Variants in STK33 observed in about 807,000 individuals in gnomAD.
STK33 encodes serine/threonine kinase 33.
A neutral mutation model predicts 58.0 loss-of-function variants in STK33; 52 were observed. The observed-to-expected ratio is 0.90, with a 90% CI of 0.72 to 1.13. The LOEUF (loss-of-function observed/expected upper bound fraction) is 1.13, where lower values mean the gene tolerates loss of function less well. Ranked by LOEUF, STK33 falls within the 50% of genes most tolerant of loss-of-function variation. The pLI, the probability that STK33 is intolerant of heterozygous loss-of-function variation, is 0.00. For missense variants in STK33, 630 were observed against 604.2 expected, an observed-to-expected ratio of 1.04 and a Z score of -0.45; for synonymous variants, 215 against 200.1, an observed-to-expected ratio of 1.07 and a Z score of -0.63.
intron 14 of STK33, among the ~76,000 whole-genome samples, chr11:8,414,576 ACTT>A (rs1278352751): frequency 2.6e-5 from 4 of 152,172 alleles, no homozygotes; most frequent in African/African-American, 9.6e-5. Context: ...AAGACAGGGT[ACTT>A]TAGGGGTACC....
intron 15 of STK33, among the ~76,000 whole-genome samples, chr11:8,396,510 C>T (rs1239085149): frequency 2.0e-5 from 3 of 152,190 alleles, no homozygotes; most frequent in African/African-American, 7.2e-5. Context: ...GCCAAGATGG[C>T]CAAATAGGAA....
intron 11 of STK33, among the ~76,000 whole-genome samples, chr11:8,449,216 A>T (rs1166662606): frequency 5.3e-5 from 8 of 151,698 alleles, no homozygotes; most frequent in East Asian, 1.9e-4. Flanking sequence ...ATTGTGGAAG[A>T]CAGTGTGGCG....
chr11:8,435,596 A>T lies in STK33; in HGVS notation c.1061-17T>A. 3 of 1,412,956 alleles carry T rather than the reference A, an allele frequency of 2.1e-6. No individual in the cohort carries two copies. The highest frequency in any genetic ancestry group is 1.9e-6 in the Non-Finnish European group (2 of 1,054,570). 87.5% of individuals were successfully genotyped at this position (1,412,956 alleles called of 1,614,324 possible). On this transcript the variant is annotated splice_polypyrimidine_tract_variant and intron_variant, in intron 13 of 15. Transcript: ENST00000687296. ...CACTTTTAGCTAAAAATAAGAAAAA[A>T]ATCCTGAAAAATCTTATTTAACTAC... is the stretch of plus-strand genomic sequence containing the variant.
intron 15 of STK33, among the ~76,000 whole-genome samples, chr11:8,401,702 A>C (rs1372396324): frequency 6.6e-6 from 1 of 152,224 alleles, no homozygotes; most frequent in Admixed American, 6.5e-5. Flanking sequence ...AATGGGAGAA[A>C]ATTTTTGCAA....
At chr11:8,548,000 C>T (rs1388550441) in intron 1 of STK33, among the ~76,000 whole-genome samples, 8 of 112,780 alleles carry the variant, frequency 7.1e-5, no homozygotes, top group South Asian at 6.6e-4. Flanking sequence ...CATCACACAC[C>T]GGGGCCTGTT....
chr11:8,419,731 GT>G (rs918160527), intron 14 of STK33, among the ~76,000 whole-genome samples: 2 of 151,546 alleles, frequency 1.3e-5, no homozygotes, highest in African/African-American at 2.4e-5. Flanking sequence ...ATGCTTTTCC[GT>G]TTTTTTTAAG....
intron 9 of STK33, among the ~76,000 whole-genome samples, chr11:8,455,538 G>C (rs577162868): frequency 6.6e-6 from 1 of 152,302 alleles, no homozygotes; most frequent in South Asian, 2.1e-4. Flanking sequence ...GCCAGGCGCA[G>C]TGGCTTGCGC....
chr11:8,387,609 A>T (rs1183705385), downstream of STK33, among the ~76,000 whole-genome samples: 1 of 152,198 alleles, frequency 6.6e-6, no homozygotes, highest in Non-Finnish European at 1.5e-5. Context: ...CATGACTCTG[A>T]AAGGGGGTTT....
At chr11:8,371,603 CTCTT>C in the STK33 span, among the ~76,000 whole-genome samples, 20 of 149,316 alleles carry the variant, frequency 1.3e-4, no homozygotes, top group East Asian at 4.0e-4. Flanking sequence ...CTTTTCCTTT[CTCTT>C]TCTTTCTCTT....
intron 7 of STK33, among the ~76,000 whole-genome samples, chr11:8,463,332 C>T (rs966457323): frequency 2.0e-5 from 3 of 152,138 alleles, no homozygotes; most frequent in African/African-American, 7.2e-5. Flanking sequence ...AGCATAGATC[C>T]ATAGATCCCT....
rs193277816 is a variant in STK33, at chr11:8,397,311, C to T, written c.1345-4601G>A. Among the ~76,000 whole-genome samples, 583 of 152,336 alleles carry T rather than the reference C, an allele frequency of 3.8e-3. 1 individual carries two copies. The highest frequency in any genetic ancestry group is 7.1e-3 in the Non-Finnish European group (483 of 68,016). ...GCAACATTTGCTGTTCACCAATATC[C>T]GCTGTTCTGCAGCCTCCGCTGCTGA... On this transcript the variant is annotated intron_variant, in intron 15 of 15. Coordinates refer to ENST00000687296, the MANE Select transcript of STK33 (RefSeq NM_001352389.2).
the STK33 span, among the ~76,000 whole-genome samples, chr11:8,384,321 G>A: frequency 6.6e-6 from 1 of 152,176 alleles, no homozygotes; most frequent in Non-Finnish European, 1.5e-5. Context: ...GATAAGGGCC[G>A]CTGGAGGGCA....
At chr11:8,403,074 A>T (rs1938413605) in intron 15 of STK33, among the ~76,000 whole-genome samples, 1 of 152,230 alleles carries the variant, frequency 6.6e-6, no homozygotes, top group African/African-American at 2.4e-5. Flanking sequence ...GAAAGATAAC[A>T]GAGGAATTTC....
intron 1 of STK33, among the ~76,000 whole-genome samples, chr11:8,527,698 A>G (rs181649881): frequency 6.6e-6 from 1 of 152,268 alleles, no homozygotes; most frequent in African/African-American, 2.4e-5. Context: ...AAAAATTATT[A>G]TATCTAAGAA....
chr11:8,410,898 T>C (rs1255811401), intron 15 of STK33, among the ~76,000 whole-genome samples: 1 of 152,264 alleles, frequency 6.6e-6, no homozygotes, highest in Admixed American at 6.5e-5. Context: ...GTATTGCATC[T>C]AGAGATTCCA....
chr11:8,409,836 G>C (rs907314849), intron 15 of STK33, among the ~76,000 whole-genome samples: 1 of 152,100 alleles, frequency 6.6e-6, no homozygotes, highest in Admixed American at 6.6e-5. Flanking sequence ...TTACGTGCAT[G>C]ATTTCACCTA....
At chr11:8,371,234 G>A in the STK33 span, among the ~76,000 whole-genome samples, 10 of 152,132 alleles carry the variant, frequency 6.6e-5, no homozygotes, top group Non-Finnish European at 1.5e-4. Flanking sequence ...CTAGATTTAG[G>A]GTGGGCCCCA....
At chr11:8,499,954 A>G (rs565761686) in intron 1 of STK33, among the ~76,000 whole-genome samples, 3 of 152,252 alleles carry the variant, frequency 2.0e-5, no homozygotes, top group Admixed American at 6.5e-5. Context: ...TAGCATTAGG[A>G]GAAATACCTA....
At chr11:8,511,103 G>A (rs961277288) in intron 1 of STK33, among the ~76,000 whole-genome samples, 2 of 152,126 alleles carry the variant, frequency 1.3e-5, no homozygotes, top group Non-Finnish European at 2.9e-5. Context: ...TCACAATATT[G>A]ATTCTACCCA....
Sources: allele counts gnomAD v4.1 joint callset (sites outside exome capture counted in the v4.1 genomes callset), GRCh38; gene constraint gnomAD v4.1.1; transcripts MANE v1.5; gene names NCBI Gene and HGNC (gene_info 2026-07-23, HGNC 2026-07-21).